Variants in CALCRL observed in about 807,000 individuals in gnomAD.
CALCRL encodes calcitonin receptor like receptor.
A neutral mutation model predicts 60.4 loss-of-function variants in CALCRL; 27 were observed. That is an observed-to-expected ratio of 0.45 (90% CI 0.33 to 0.62). The LOEUF is 0.62. Among genes scored for constraint, CALCRL ranks in the 20% least tolerant of loss-of-function variants. The pLI is 0.03. For synonymous variants in CALCRL, 190 were observed against 182.6 expected, an observed-to-expected ratio of 1.04 and a Z score of -0.33; for missense variants, 424 against 540.7, an observed-to-expected ratio of 0.78 and a Z score of 2.14.
intron 4 of CALCRL, among the ~76,000 whole-genome samples, chr2:187,384,910 G>T (rs1688144794): frequency 6.6e-6 from 1 of 152,154 alleles, no homozygotes; most frequent in Non-Finnish European, 1.5e-5. Context: ...ATAAAATTAA[G>T]TGTATGAAGT....
intron 14 of CALCRL, among the ~76,000 whole-genome samples, chr2:187,350,031 T>C (rs773043848): frequency 1.3e-5 from 2 of 151,664 alleles, no homozygotes; most frequent in Non-Finnish European, 3.0e-5. Flanking sequence ...TTAAGAAAGA[T>C]AGACACAGGC....
chr2:187,351,575 A>G (rs1686534469), intron 14 of CALCRL, among the ~76,000 whole-genome samples: 1 of 151,864 alleles, frequency 6.6e-6, no homozygotes, highest in Non-Finnish European at 1.5e-5. Flanking sequence ...CTTATTTCCT[A>G]TTAGAGTGTA....
chr2:187,437,772 G>T (rs1205389989), intron 1 of CALCRL, among the ~76,000 whole-genome samples: 1 of 152,100 alleles, frequency 6.6e-6, no homozygotes, highest in African/African-American at 2.4e-5. Flanking sequence ...AAAGGATAGT[G>T]GTAGGAAGAA....
intron 1 of CALCRL, among the ~76,000 whole-genome samples, chr2:187,406,079 A>C (rs1290088137): frequency 6.6e-6 from 1 of 151,342 alleles, no homozygotes; most frequent in African/African-American, 2.4e-5. Context: ...TGGGGCTCTG[A>C]AGCAGTTGGG....
intron 1 of CALCRL, among the ~76,000 whole-genome samples, chr2:187,433,398 A>G (rs1690488085): frequency 1.3e-5 from 2 of 152,058 alleles, no homozygotes; most frequent in Non-Finnish European, 2.9e-5. Flanking sequence ...TGGTTAATAA[A>G]CATGTTGCAT....
chr2:187,425,859 C>T (rs1032789580), intron 1 of CALCRL, among the ~76,000 whole-genome samples: 1 of 151,882 alleles, frequency 6.6e-6, no homozygotes. Context: ...ACATTCTAAA[C>T]TATAACTGTT....
intron 1 of CALCRL, among the ~76,000 whole-genome samples, chr2:187,443,310 T>C (rs1428109114): frequency 6.6e-6 from 1 of 151,916 alleles, no homozygotes; most frequent in African/African-American, 2.4e-5. Flanking sequence ...CACAACAGAC[T>C]TAAGGTGAAC....
intron 8 of CALCRL, among the ~76,000 whole-genome samples, chr2:187,368,009 C>T (rs1250314448): frequency 1.3e-5 from 2 of 151,948 alleles, no homozygotes; most frequent in East Asian, 1.9e-4. Context: ...AAGTAAGTAG[C>T]GTCAAGTCAC....
At chr2:187,432,202 C>T (rs1360412390) in intron 1 of CALCRL, among the ~76,000 whole-genome samples, 2 of 152,082 alleles carry the variant, frequency 1.3e-5, no homozygotes, top group Admixed American at 1.3e-4. Context: ...CCCTGTCAAA[C>T]AAATATGGAA....
chr2:187,353,167 A>C (rs1686609203), intron 12 of CALCRL, among the ~76,000 whole-genome samples: 1 of 151,694 alleles, frequency 6.6e-6, no homozygotes, highest in East Asian at 1.9e-4. Flanking sequence ...CCCAAGTTAG[A>C]GTTTATCTCT....
At chr2:187,383,334 A>C in intron 4 of CALCRL, 29 bp from the exon 5 acceptor site, 1 of 1,566,274 alleles carries the variant, frequency 6.4e-7, no homozygotes, top group Non-Finnish European at 8.6e-7. Context: ...AACAACATCA[A>C]CTTCATGAAA....
At chr2:187,364,765 T>A (rs937279874) in intron 8 of CALCRL, among the ~76,000 whole-genome samples, 2 of 152,176 alleles carry the variant, frequency 1.3e-5, no homozygotes, top group African/African-American at 2.4e-5. Context: ...TGGAGGCATA[T>A]TTGATCCAAA....
chr2:187,379,179 C>A, intron 7 of CALCRL, 148 bp from the exon 8 acceptor site: 1 of 457,802 alleles, frequency 2.2e-6, no homozygotes, highest in South Asian at 5.5e-5. Flanking sequence ...AGTTTACAAA[C>A]CAATAAATAC....
chr2:187,433,683 A>G (rs1217534516), intron 1 of CALCRL, among the ~76,000 whole-genome samples: 2 of 152,104 alleles, frequency 1.3e-5, no homozygotes, highest in Non-Finnish European at 2.9e-5. Flanking sequence ...GAAAAGAAAT[A>G]CAGCAAATAG....
intron 1 of CALCRL, chr2:187,428,807 G>A (rs1690265719): frequency 6.6e-6 from 1 of 151,590 alleles, no homozygotes; most frequent in African/African-American, 2.4e-5. Flanking sequence ...GCAGGAGAAT[G>A]GCGTGAACAC....
intron 8 of CALCRL, among the ~76,000 whole-genome samples, chr2:187,364,436 T>C (rs1687190845): frequency 6.6e-6 from 1 of 151,810 alleles, no homozygotes; most frequent in Non-Finnish European, 1.5e-5. Flanking sequence ...ATTATTTCAC[T>C]ACAGAGGCAA....
intron 1 of CALCRL, among the ~76,000 whole-genome samples, chr2:187,395,655 A>G (rs569650523): frequency 2.6e-5 from 4 of 152,150 alleles, no homozygotes; most frequent in African/African-American, 7.2e-5. Flanking sequence ...TCTGCCCTCA[A>G]TAAAAGTATT....
At position 187,359,240 on chromosome 2, in the gene CALCRL, T is replaced by G; in HGVS notation, c.814A>C (p.Ile272Leu). Residue 272 changes from isoleucine (I) to leucine (L), a missense_variant, in exon 11 of 15, where the codon ATT becomes CTT. Physicochemically the swap from Ile to Leu is conservative, Grantham distance 5 (BLOSUM62 2). This residue lies in a region of CALCRL where 222 missense variants were observed against 265.6 expected (regional missense o/e 0.84). Coordinates refer to ENST00000392370, the MANE Select transcript of CALCRL (RefSeq NM_005795.6). The part of the protein sequence containing the change: ...FPLIPACIHA[I>L]ARSLYYNDNC... ...TCATTGTAATATAAGCTTCTAGCAA[T>G]GGCATGTATACAAGCAGGAATCAGT... 1 of 1,587,078 alleles carries G rather than the reference T, an allele frequency of 6.3e-7. No individual in the cohort carries two copies.
chr2:187,402,823 A>C (rs955959739), intron 1 of CALCRL, among the ~76,000 whole-genome samples: 1 of 151,846 alleles, frequency 6.6e-6, no homozygotes, highest in African/African-American at 2.4e-5. Context: ...AAAATGAATA[A>C]TAATTGTAGG....
Sources: gnomAD v4.1 joint callset for allele counts (sites outside exome capture counted in the v4.1 genomes callset) on GRCh38, gnomAD v4.1.1 for gene constraint, gnomAD v4.1.1 regional missense constraint, MANE v1.5 for transcripts, NCBI Gene and HGNC (gene_info 2026-07-23, HGNC 2026-07-21) for gene names.